LAMB4: variants seen among roughly 807,000 people sequenced by gnomAD.
The protein encoded by LAMB4 is laminin subunit beta 4, also known as laminin subunit beta-4.
In LAMB4, 196 loss-of-function variants were observed where a neutral mutation model predicts 199.2. The observed-to-expected ratio is 0.98, with a 90% CI of 0.88 to 1.11. The LOEUF (loss-of-function observed/expected upper bound fraction) is 1.11, where lower values mean the gene tolerates loss of function less well. LAMB4 is among the 50% of genes least tolerant of loss of function. The probability of loss-of-function intolerance (pLI) is 0.00; values close to 1 mark genes in which losing one functional copy is unlikely to be tolerated. For synonymous variants in LAMB4, 744 were observed against 770.6 expected, an observed-to-expected ratio of 0.97 and a Z score of 0.57; for missense variants, 2,080 against 2,171.2, an observed-to-expected ratio of 0.96 and a Z score of 0.83.
chr7:108,012,398 A>G, the LAMB4 span, among the ~76,000 whole-genome samples: 7 of 152,322 alleles, frequency 4.6e-5, no homozygotes, highest in East Asian at 7.7e-4. Context: ...TTTTTAAACA[A>G]GGAGAATGTA....
chr7:108,101,196 G>C (rs986418733), intron 10 of LAMB4, among the ~76,000 whole-genome samples: 11 of 152,088 alleles, frequency 7.2e-5, no homozygotes, highest in African/African-American at 2.7e-4. Context: ...ATGGATGCTG[G>C]TATCCTGAAC....
At chr7:108,072,225 A>T (rs2036557889) in intron 17 of LAMB4, among the ~76,000 whole-genome samples, 1 of 152,130 alleles carries the variant, frequency 6.6e-6, no homozygotes, top group South Asian at 2.1e-4. Context: ...TATGTTTTTG[A>T]AACATGTTTA....
the LAMB4 span, among the ~76,000 whole-genome samples, chr7:108,017,730 A>T: frequency 6.6e-6 from 1 of 152,228 alleles, no homozygotes; most frequent in African/African-American, 2.4e-5. Flanking sequence ...TGACAATTTT[A>T]AAGTAGGCAG....
In LAMB4 at chr7:108,092,349, G is replaced by A. The variant is rs756353506; in HGVS notation, c.1538C>T (p.Ala513Val). Residue 513 changes from alanine to valine, a missense_variant, in exon 13 of 34, where the codon GCT (alanine) becomes GTT (valine). Coordinates refer to ENST00000388781, the MANE Select transcript of LAMB4 (RefSeq NM_007356.3). ...TTATTTGACTTACACGTTAGAATAA[G>A]CACCTCCAATATCACAGTCACAGGG... ...CSPCDCDIGG[A>V]YSNVCSPKNG... The A allele has an allele frequency of 9.9e-6, 16 of 1,613,058 alleles. No individual in the cohort carries two copies. In the East Asian group the frequency reaches 3.1e-4, roughly 31 times the overall value.
chr7:108,031,759 AT>A (rs1304766968), intron 31 of LAMB4, among the ~76,000 whole-genome samples: 1 of 152,216 alleles, frequency 6.6e-6, no homozygotes, highest in African/African-American at 2.4e-5. Flanking sequence ...AGTTTAAAGC[AT>A]TCCATTGTTT....
chr7:108,031,228 C>T (rs2035019789), intron 31 of LAMB4, among the ~76,000 whole-genome samples: 1 of 149,842 alleles, frequency 6.7e-6, no homozygotes, highest in South Asian at 2.1e-4. Context: ...GAGGCTGAGG[C>T]AGGAGGATTG....
chr7:108,123,790 C>G (rs73725354), intron 1 of LAMB4, among the ~76,000 whole-genome samples: 1,673 of 152,274 alleles, frequency 0.011, 33 homozygotes, highest in African/African-American at 0.038. Context: ...TCTTTCTGTA[C>G]TAACAAATGC....
Position 108,076,960 on chromosome 7 carries a change from T to G in LAMB4, c.2108A>C (p.His703Pro), listed in dbSNP as rs1184187683. The G allele has an allele frequency of 6.2e-7, 1 of 1,614,024 alleles. No individual in the cohort carries two copies. The highest frequency in any genetic ancestry group is 1.7e-5 in the Admixed American group (1 of 60,024). The part of the protein sequence containing the change: ...PLQGESHAHS[H>P]VLVDSLGLIP... The stretch of plus-strand genomic sequence containing the variant: ...GATACTTACAGAGTCCACCAGGACA[T>G]GTGAATGAGCGTGGGACTCTCCTTG... Residue 703 changes from histidine to proline, a missense_variant, in exon 17 of 34, where the codon CAT becomes CCT. Coordinates refer to ENST00000388781, the MANE Select transcript of LAMB4 (RefSeq NM_007356.3).
chr7:108,081,163 G>A (rs1339573257), intron 14 of LAMB4, among the ~76,000 whole-genome samples: 2 of 152,164 alleles, frequency 1.3e-5, no homozygotes, highest in African/African-American at 4.8e-5. Flanking sequence ...AGACACTGTA[G>A]GTGCCCCTCC....
intron 1 of LAMB4, among the ~76,000 whole-genome samples, chr7:108,128,265 T>C (rs1302119817): frequency 6.6e-6 from 1 of 152,134 alleles, no homozygotes; most frequent in Non-Finnish European, 1.5e-5. Flanking sequence ...CCCTATGTCT[T>C]GTTCGCTGAC....
intron 4 of LAMB4, among the ~76,000 whole-genome samples, chr7:108,109,756 G>T (rs1479665027): frequency 1.3e-5 from 2 of 152,148 alleles, no homozygotes; most frequent in Non-Finnish European, 2.9e-5. Flanking sequence ...CTGTGGCTGA[G>T]GCGGTGGTAG....
chr7:108,079,223 C>T lies in LAMB4; in HGVS notation c.1887+378G>A, dbSNP rs560136290. Among the ~76,000 whole-genome samples the T allele has an allele frequency of 1.8e-4, 27 of 152,308 alleles. No homozygotes were observed. In the South Asian group the frequency reaches 5.6e-3, roughly 32 times the overall value. On this transcript the variant is annotated intron_variant, in intron 15 of 33. Coordinates refer to ENST00000388781, the MANE Select transcript of LAMB4 (RefSeq NM_007356.3). ...AAGATGCAAATGCAAACAAATGCTT[C>T]TGCTGCATCACCTGTGAGTCTGAAT...
At chr7:108,037,330 A>G in intron 30 of LAMB4, 58 bp downstream of exon 30, 1 of 1,332,024 alleles carries the variant, frequency 7.5e-7, no homozygotes, top group Non-Finnish European at 1.1e-6. Flanking sequence ...CATTTTCCTG[A>G]TGTCCTTTCA....
intron 25 of LAMB4, among the ~76,000 whole-genome samples, chr7:108,054,138 A>G (rs1353718532): frequency 6.6e-6 from 1 of 152,128 alleles, no homozygotes; most frequent in Non-Finnish European, 1.5e-5. Flanking sequence ...TCCTTTTGCT[A>G]TGTAGCCCAG....
intron 4 of LAMB4, 65 bp downstream of exon 4, chr7:108,111,746 A>G: frequency 7.1e-7 from 1 of 1,411,870 alleles, no homozygotes; most frequent in Non-Finnish European, 1.0e-6. Flanking sequence ...AAAACCATAC[A>G]AGGAAGAGGA....
At chr7:108,051,306 T>C (rs1047903508) in intron 26 of LAMB4, among the ~76,000 whole-genome samples, 1 of 152,164 alleles carries the variant, frequency 6.6e-6, no homozygotes, top group Non-Finnish European at 1.5e-5. Context: ...ATTTTTTTTT[T>C]CTCTTCTAGG....
intron 29 of LAMB4, among the ~76,000 whole-genome samples, chr7:108,040,706 T>C (rs1434989728): frequency 6.6e-6 from 1 of 152,208 alleles, no homozygotes; most frequent in Non-Finnish European, 1.5e-5. Context: ...TGGCTAGCCA[T>C]ATGCAGAACG....
intron 29 of LAMB4, 59 bp from the exon 30 acceptor site, chr7:108,037,654 A>C (rs2150499846): frequency 1.6e-6 from 2 of 1,290,224 alleles, no homozygotes; most frequent in South Asian, 2.4e-5. Context: ...CTGTATCTTA[A>C]AAGTATAACC....
chr7:108,107,647 G>T lies in LAMB4; in HGVS notation c.575C>A (p.Pro192His). Residue 192 changes from proline (P) to histidine (H), a missense_variant, in exon 6 of 34, where the codon CCC becomes CAC. Coordinates refer to ENST00000388781, the MANE Select transcript of LAMB4 (RefSeq NM_007356.3). ...AAATGCTACCTCTCCACCTGTTGAG[G>T]GTTCAATATCCGAGTATTTGGAGTC... is the stretch of plus-strand genomic sequence containing the variant. ...VCDSKYSDIE[P>H]STGGEVVLKV... 6.2e-7 allele frequency: 1 copy of T among 1,607,228 alleles called. No individual in the cohort carries two copies. The highest frequency in any genetic ancestry group is 8.5e-7 in the Non-Finnish European group (1 of 1,177,680).
Sources: gnomAD v4.1 joint callset for allele counts (sites outside exome capture counted in the v4.1 genomes callset) on GRCh38, gnomAD v4.1.1 for gene constraint, MANE v1.5 for transcripts, NCBI Gene and HGNC (gene_info 2026-07-23, HGNC 2026-07-21) for gene names.